RNF111: variants seen among roughly 807,000 people sequenced by gnomAD.
RNF111 encodes the protein ring finger protein 111, also known as E3 ubiquitin-protein ligase Arkadia.
RNF111 carries 17 observed loss-of-function variants against 95.1 expected under a neutral mutation model. The ratio of observed to expected loss-of-function variants is 0.18; its 90% confidence interval spans 0.12 to 0.27. The LOEUF (loss-of-function observed/expected upper bound fraction) is 0.27, where lower values mean the gene tolerates loss of function less well. Ranked by LOEUF, RNF111 falls within the 10% of genes least tolerant of loss-of-function variation. The pLI, the probability that RNF111 is intolerant of heterozygous loss-of-function variation, is 1.00. For missense variants in RNF111, 1,189 were observed against 1,210.4 expected (o/e 0.98, Z 0.26); for synonymous variants, 440 against 414.8 (o/e 1.06, Z -0.74).
intron 7 of RNF111, among the ~76,000 whole-genome samples, chr15:59,076,773 T>C (rs17302163): frequency 0.39 from 58,716 of 152,096 alleles, 13,012 homozygotes; most frequent in African/African-American, 0.61. Context: ...TGATAAATAC[T>C]CTAAGGCTAT....
At chr15:58,996,732 G>T (rs2039093490) in intron 1 of RNF111, among the ~76,000 whole-genome samples, 1 of 133,408 alleles carries the variant, frequency 7.5e-6, no homozygotes, top group African/African-American at 2.9e-5. Flanking sequence ...TTTCTCACCT[G>T]TGTATGGATA....
chr15:58,998,144 C>T (rs889040089), intron 1 of RNF111, among the ~76,000 whole-genome samples: 8 of 151,930 alleles, frequency 5.3e-5, no homozygotes, highest in Non-Finnish European at 1.0e-4. Context: ...ACCTCGTGAT[C>T]CGCCAGCCTC....
chr15:59,007,183 C>G (rs1212324380), intron 1 of RNF111, among the ~76,000 whole-genome samples: 1 of 152,116 alleles, frequency 6.6e-6, no homozygotes, highest in Non-Finnish European at 1.5e-5. Context: ...AGGTATTGAA[C>G]ACGAACAACC....
chr15:59,092,148 T>G (rs1244115352), intron 12 of RNF111, among the ~76,000 whole-genome samples: 4 of 152,188 alleles, frequency 2.6e-5, no homozygotes, highest in Non-Finnish European at 4.4e-5. Context: ...ACTGTCCAAG[T>G]TAAATACTGT....
At chr15:59,041,679 C>T (rs1596173050) in intron 2 of RNF111, among the ~76,000 whole-genome samples, 3 of 152,234 alleles carry the variant, frequency 2.0e-5, no homozygotes, top group Admixed American at 1.3e-4. Context: ...AGGATAAATG[C>T]ATATGTTATT....
chr15:59,052,649 G>A (rs2042040368), intron 3 of RNF111, among the ~76,000 whole-genome samples: 1 of 139,880 alleles, frequency 7.1e-6, no homozygotes, highest in Non-Finnish European at 1.5e-5. Context: ...CTTGGCTCAA[G>A]TGATTCTCCT....
intron 1 of RNF111, among the ~76,000 whole-genome samples, chr15:59,019,070 C>T (rs1041242573): frequency 1.5e-4 from 23 of 151,298 alleles, no homozygotes; most frequent in African/African-American, 2.7e-4. Flanking sequence ...ACTTCAGGCA[C>T]GTGCCACCAC....
At chr15:58,997,366 C>G (rs1286627226) in intron 1 of RNF111, among the ~76,000 whole-genome samples, 2 of 152,112 alleles carry the variant, frequency 1.3e-5, no homozygotes, top group South Asian at 2.1e-4. Context: ...TTCTCATTTT[C>G]TATGTAACTG....
intron 9 of RNF111, among the ~76,000 whole-genome samples, chr15:59,084,772 AC>A (rs1206368082): frequency 6.7e-6 from 1 of 148,878 alleles, no homozygotes; most frequent in African/African-American, 2.5e-5. Context: ...CTCATTCATG[AC>A]CCCCCACCCT....
intron 5 of RNF111, among the ~76,000 whole-genome samples, chr15:59,065,002 G>A (rs1274600215): frequency 1.3e-5 from 2 of 151,842 alleles, no homozygotes; most frequent in Non-Finnish European, 2.9e-5. Context: ...TATTTTATTT[G>A]TAAACAAGCA....
chr15:59,055,537 C>A, intron 3 of RNF111, 145 bp from the exon 4 acceptor site: 1 of 361,050 alleles, frequency 2.8e-6, no homozygotes, highest in Non-Finnish European at 4.4e-6. Context: ...TTACCGAGTG[C>A]CAGTCATGAT....
intron 5 of RNF111, among the ~76,000 whole-genome samples, chr15:59,060,603 C>A (rs559915564): frequency 1.3e-5 from 2 of 152,234 alleles, no homozygotes; most frequent in South Asian, 4.2e-4. Flanking sequence ...CCACTACACT[C>A]CAGCCCAGAT....
At chr15:59,001,713 T>G (rs1294963226) in intron 1 of RNF111, among the ~76,000 whole-genome samples, 1 of 152,206 alleles carries the variant, frequency 6.6e-6, no homozygotes, top group Non-Finnish European at 1.5e-5. Flanking sequence ...GATATAAGAT[T>G]TGTTACAGAA....
At chr15:59,031,974 T>G (rs2040932766) in intron 2 of RNF111, among the ~76,000 whole-genome samples, 1 of 152,152 alleles carries the variant, frequency 6.6e-6, no homozygotes, top group Non-Finnish European at 1.5e-5. Flanking sequence ...AGTCTCACTT[T>G]GTCACCCAGG....
chr15:59,040,870 T>C (rs947820855), intron 2 of RNF111, among the ~76,000 whole-genome samples: 44 of 152,362 alleles, frequency 2.9e-4, no homozygotes, highest in African/African-American at 9.9e-4. Context: ...TAAAGATATT[T>C]TTAAAAAATT....
intron 10 of RNF111, 66 bp from the exon 11 acceptor site, chr15:59,089,601 A>G: frequency 2.4e-6 from 3 of 1,233,786 alleles, no homozygotes; most frequent in Non-Finnish European, 3.6e-6. Flanking sequence ...TGAATTATTC[A>G]ATGTTAACAG....
At chr15:59,014,497 T>G (rs2039975032) in intron 1 of RNF111, among the ~76,000 whole-genome samples, 1 of 152,216 alleles carries the variant, frequency 6.6e-6, no homozygotes, top group South Asian at 2.1e-4. Flanking sequence ...AGTATCTATG[T>G]GTTGACTTTT....
chr15:59,016,950 G>A (rs1184322263), intron 1 of RNF111, among the ~76,000 whole-genome samples: 4 of 151,960 alleles, frequency 2.6e-5, no homozygotes, highest in African/African-American at 7.2e-5. Context: ...TGCTCCTTAC[G>A]AGAATCTAAT....
intron 2 of RNF111, among the ~76,000 whole-genome samples, chr15:59,032,248 A>C (rs1052600690): frequency 3.9e-5 from 6 of 152,118 alleles, no homozygotes; most frequent in African/African-American, 1.4e-4. Flanking sequence ...CTCATTTATT[A>C]CATTTTATAC....
Sources: gnomAD v4.1 joint callset for allele counts (sites outside exome capture counted in the v4.1 genomes callset) on GRCh38, gnomAD v4.1.1 for gene constraint, MANE v1.5 for transcripts, NCBI Gene and HGNC (gene_info 2026-07-23, HGNC 2026-07-21) for gene names.